Variants in CLOCK observed in about 807,000 individuals in gnomAD.
The protein encoded by CLOCK is clock circadian regulator.
In CLOCK, 43 loss-of-function variants were observed where a neutral mutation model predicts 118.4. The ratio of observed to expected loss-of-function variants is 0.36; its 90% CI spans 0.28 to 0.47. The LOEUF is 0.47. Among genes scored for constraint, CLOCK ranks in the 20% least tolerant of loss-of-function variants. The pLI, the probability that CLOCK is intolerant of heterozygous loss-of-function variation, is 1.00. For synonymous variants in CLOCK, 326 were observed against 339.2 expected (o/e 0.96, Z 0.43); for missense variants, 846 against 999.9 (o/e 0.85, Z 2.08).
intron 1 of CLOCK, among the ~76,000 whole-genome samples, chr4:55,522,568 A>G (rs1461368755): frequency 6.6e-6 from 1 of 152,184 alleles, no homozygotes; most frequent in African/African-American, 2.4e-5. Flanking sequence ...TATGAACAGA[A>G]TAAGTAGTTG....
intron 15 of CLOCK, chr4:55,452,820 C>A: frequency 2.5e-6 from 1 of 395,984 alleles, no homozygotes; most frequent in Admixed American, 3.9e-5. Context: ...TAGTACATCA[C>A]TGGGAATAAA....
Position 55,428,410 on chromosome 4 carries a change from A to T in CLOCK, c.*7005T>A, listed in dbSNP as rs140155293. On this transcript the variant is annotated 3_prime_UTR_variant, in exon 23 of 23. Coordinates refer to ENST00000513440, the MANE Select transcript of CLOCK (RefSeq NM_004898.4). The stretch of plus-strand genomic sequence containing the variant: ...ATTTCCAAACATACATAGGTCATGA[A>T]AATCAGAGAACCTAATATAGCACCG... The T allele has an allele frequency of 4.3e-4, 65 of 152,356 alleles. No individual in the cohort carries two copies. The highest frequency in any genetic ancestry group is 1.5e-3 in the African/African-American group (62 of 41,588). 9.4% of individuals were successfully genotyped at this position (152,356 alleles called of 1,614,324 possible).
intron 7 of CLOCK, among the ~76,000 whole-genome samples, chr4:55,471,980 G>A (rs58395965): frequency 0.076 from 11,510 of 152,050 alleles, 1,465 homozygotes; most frequent in African/African-American, 0.26. Context: ...AGGCTGAGGC[G>A]AGATCACTTG....
rs147597920 is a variant in CLOCK, at chr4:55,493,088, T to C, written c.-135-3623A>G. 3.2e-3 allele frequency among the ~76,000 whole-genome samples: 491 copies of C among 152,278 alleles called. 1 individual carries two copies. The highest frequency in any genetic ancestry group is 0.011 in the African/African-American group (462 of 41,562). ...AGCTTAAGTGCTGCATTTTTTTTCTTTTTCTTTTAATTGTCCAATACTAGA... is the reference window on the plus strand; with the variant it reads ...AGCTTAAGTGCTGCATTTTTTTTCTCTTTCTTTTAATTGTCCAATACTAGA... On this transcript the variant is annotated intron_variant, in intron 2 of 22. Transcript: ENST00000513440.
At chr4:55,539,789 T>G (rs941064083) in intron 1 of CLOCK, among the ~76,000 whole-genome samples, 13 of 152,014 alleles carry the variant, frequency 8.6e-5, no homozygotes, top group Admixed American at 8.5e-4. Flanking sequence ...ACATACCTAC[T>G]AAAAATAATC....
chr4:55,539,976 A>T (rs1484752556), intron 1 of CLOCK, among the ~76,000 whole-genome samples: 3 of 150,912 alleles, frequency 2.0e-5, no homozygotes, highest in African/African-American at 7.3e-5. Context: ...TAACAACAGC[A>T]CTTTCGGTGG....
chr4:55,428,026 T>G lies in CLOCK; in HGVS notation c.*7389A>C, dbSNP rs903298944. On this transcript the variant is annotated 3_prime_UTR_variant, in exon 23 of 23. Coordinates refer to ENST00000513440, the MANE Select transcript of CLOCK (RefSeq NM_004898.4). The stretch of plus-strand genomic sequence containing the variant: ...AAATGCAGGTGATAACTGAAAAACA[T>G]AGCACTGAGGTATTTTTTATTTTTA... The G allele has an allele frequency of 1.3e-5, 2 of 152,176 alleles. No individual in the cohort carries two copies. Among genetic ancestry groups the G allele is most frequent in the Non-Finnish European group, 1.5e-5 (1 of 68,028 alleles). The allele number at this position is 152,176 out of a possible 1,614,324, so 9.4% of individuals were successfully genotyped here. A position where few individuals can be genotyped will look rare whatever the true frequency, so the allele number is the denominator to read the frequency against.
At chr4:55,461,523 A>C (rs1212189382) in intron 9 of CLOCK, among the ~76,000 whole-genome samples, 2 of 152,172 alleles carry the variant, frequency 1.3e-5, no homozygotes, top group African/African-American at 4.8e-5. Context: ...GAATGGTCTG[A>C]TCCATAAGAT....
chr4:55,485,102 T>C (rs2109923763), intron 3 of CLOCK, among the ~76,000 whole-genome samples: 1 of 152,180 alleles, frequency 6.6e-6, no homozygotes, highest in South Asian at 2.1e-4. Context: ...TAGCTGGGAT[T>C]ACAGGCCCAG....
Position 55,444,708 on chromosome 4 carries a change from T to C in CLOCK, c.1617A>G (p.Ala539=). 1 of 1,614,190 alleles carries C rather than the reference T, an allele frequency of 6.2e-7. No homozygotes were observed. Among genetic ancestry groups the C allele is most frequent in the Non-Finnish European group, 8.5e-7 (1 of 1,180,018 alleles). ...GTTCTTCTTGTTGCCGATGAATATT[T>C]GCTTCTATCATGCGTGTCCGTTGTT... ...QLEQRTRMIE[A]NIHRQQEELR... Residue 539 remains alanine (A), a synonymous_variant, in exon 19 of 23, where the codon GCA becomes GCG. Coordinates refer to ENST00000513440, the MANE Select transcript of CLOCK (RefSeq NM_004898.4).
intron 1 of CLOCK, among the ~76,000 whole-genome samples, chr4:55,530,719 G>A (rs762050320): frequency 7.5e-6 from 1 of 133,560 alleles, no homozygotes; most frequent in Non-Finnish European, 1.5e-5. Flanking sequence ...AGGTTGCAGT[G>A]AGCCGAGATT....
chr4:55,526,913 C>T lies in CLOCK; in HGVS notation c.-289-16848G>A, dbSNP rs181637356. The stretch of plus-strand genomic sequence containing the variant: ...AGTGAGCCGAGATCACACCACTGCA[C>T]TCCAGCCCGGGTGACAGAGTGAGAC... On this transcript the variant is annotated intron_variant, in intron 1 of 22. Transcript: ENST00000513440. Among the ~76,000 whole-genome samples the T allele has an allele frequency of 7.4e-4, 108 of 146,406 alleles. 1 individual carries two copies. The Middle Eastern group carries it at 0.011, about 15-fold the overall frequency.
chr4:55,449,014 T>C (rs374577211), intron 17 of CLOCK, 146 bp from the exon 18 acceptor site: 25 of 677,278 alleles, frequency 3.7e-5, no homozygotes, highest in South Asian at 2.5e-4. Flanking sequence ...TGTCTTCTCA[T>C]CTATATTGGA....
chr4:55,517,755 G>A (rs1221554817), intron 1 of CLOCK, among the ~76,000 whole-genome samples: 1 of 152,050 alleles, frequency 6.6e-6, no homozygotes, highest in Non-Finnish European at 1.5e-5. Context: ...GGGAGTTTCA[G>A]AATTACAAAA....
chr4:55,440,330 C>A (rs1723257100), intron 21 of CLOCK, among the ~76,000 whole-genome samples: 1 of 152,156 alleles, frequency 6.6e-6, no homozygotes, highest in Admixed American at 6.6e-5. Flanking sequence ...TCTTTCCCTG[C>A]TTCCTTTTGC....
In CLOCK at chr4:55,470,758, A is replaced by G; in HGVS notation, c.397T>C (p.Tyr133His). The G allele has an allele frequency of 6.2e-7, 1 of 1,611,922 alleles. No individual in the cohort carries two copies. Among genetic ancestry groups the G allele is most frequent in the Non-Finnish European group, 8.5e-7 (1 of 1,178,408 alleles). ...AATGAAGTTACACTCTCAGACACAT[A>G]TATTATGCTTCCATCTGTCATGATT... Reference protein sequence around the residue: ...LAIMTDGSIIYVSESVTSLLE... With the variant: ...LAIMTDGSIIHVSESVTSLLE... The change falls in exon 8 of 23, where the codon TAT becomes CAT. Residue 133 changes from tyrosine (Y) to histidine (H), a missense_variant. This residue lies in a region of CLOCK where 246 missense variants were observed against 300.2 expected (regional missense o/e 0.82). Transcript: ENST00000513440.
Position 55,444,692 on chromosome 4 carries a change from G to T in CLOCK, c.1633C>A (p.Gln545Lys). ...TCTTGAATTTTTCTTAGTTCTTCTT[G>T]TTGCCGATGAATATTTGCTTCTATC... ...RMIEANIHRQ[Q>K]EELRKIQEQL... Residue 545 changes from glutamine (Q) to lysine (K), a missense_variant, in exon 19 of 23, where the codon CAA becomes AAA. By Grantham distance (53) the Gln-to-Lys change is moderately conservative. Transcript: ENST00000513440. The T allele has an allele frequency of 6.2e-7, 1 of 1,614,060 alleles. No individual in the cohort carries two copies. The highest frequency in any genetic ancestry group is 8.5e-7 in the Non-Finnish European group (1 of 1,179,988).
chr4:55,489,534 A>G (rs1354217918), intron 2 of CLOCK, 69 bp from the exon 3 acceptor site: 1 of 152,148 alleles, frequency 6.6e-6, no homozygotes, highest in Non-Finnish European at 1.5e-5. Flanking sequence ...AAGGGTTTTA[A>G]AATAATTTTT....
At chr4:55,489,570 A>T (rs1727534647) in intron 2 of CLOCK, 105 bp from the exon 3 acceptor site, 1 of 152,182 alleles carries the variant, frequency 6.6e-6, no homozygotes, top group South Asian at 2.1e-4. Flanking sequence ...AACTGTCACA[A>T]AAATGTATAT....
Sources: allele counts gnomAD v4.1 joint callset (sites outside exome capture counted in the v4.1 genomes callset), GRCh38; gene constraint gnomAD v4.1.1; regional missense constraint gnomAD v4.1.1; transcripts MANE v1.5; gene names NCBI Gene and HGNC (gene_info 2026-07-23, HGNC 2026-07-21).